Variants in B4GALNT3 observed in about 807,000 individuals in gnomAD.
B4GALNT3 encodes beta-1,4-N-acetylgalactosaminyltransferase 3.
A neutral mutation model predicts 120.2 loss-of-function variants in B4GALNT3; 86 were observed. The ratio of observed to expected loss-of-function variants is 0.72; its 90% CI spans 0.60 to 0.86. The LOEUF (loss-of-function observed/expected upper bound fraction) is 0.86, where lower values mean the gene tolerates loss of function less well. Among genes scored for constraint, B4GALNT3 ranks in the 40% least tolerant of loss-of-function variants. The pLI is 0.00. For missense variants in B4GALNT3, 1,167 were observed against 1,298.9 expected (o/e 0.90, Z 1.56); for synonymous variants, 518 against 510.4 (o/e 1.01, Z -0.20).
At position 558,382 on chromosome 12, in the gene B4GALNT3, A is replaced by T. The variant is rs185588122; in HGVS notation, c.2608-126A>T. The T allele has an allele frequency of 4.5e-4, 417 of 919,524 alleles. 4 individuals carry two copies. In the East Asian group the frequency reaches 9.2e-3, roughly 20 times the overall value. 57.0% of individuals were successfully genotyped at this position (919,524 alleles called of 1,614,324 possible). On this transcript the variant is annotated intron_variant, in intron 17 of 19. Transcript: ENST00000266383. Reference sequence around the variant, plus strand: ...TCAGCACTGTGGAACTCTGCCCAGCAGCTGGTTTTGTGGGAGTTTGTGAAT... The same window carrying T: ...TCAGCACTGTGGAACTCTGCCCAGCTGCTGGTTTTGTGGGAGTTTGTGAAT...
chr12:484,881 T>C (rs1431480008), intron 1 of B4GALNT3, among the ~76,000 whole-genome samples: 2 of 152,044 alleles, frequency 1.3e-5, no homozygotes, highest in East Asian at 3.9e-4. Flanking sequence ...TCCAGTGGTA[T>C]GTATGGTGTG....
intron 1 of B4GALNT3, among the ~76,000 whole-genome samples, chr12:505,039 C>T (rs1472181754): frequency 2.6e-5 from 4 of 152,106 alleles, no homozygotes; most frequent in East Asian, 3.9e-4. Flanking sequence ...TACAGGTGCA[C>T]ACCACCACGC....
rs779010274 is a variant in B4GALNT3 at position 553,414 on chromosome 12, G to A, written c.1491G>A (p.Ala497=). ...CCTTCTCCAAGCGGAACTCCACAGC[G>A]TCCTTCCCAGGGAGGACCAGCCACA... ...LAPFSKRNST[A]SFPGRTSHIP... Residue 497 remains alanine (A), a synonymous_variant, in exon 14 of 20, where the codon GCG becomes GCA. Transcript: ENST00000266383. 1.5e-5 allele frequency: 24 copies of A among 1,613,824 alleles called. No individual in the cohort carries two copies. Among genetic ancestry groups the A allele is most frequent in the East Asian group, 8.9e-5 (4 of 44,894 alleles).
rs1947174816 is a variant in B4GALNT3, at chr12:557,767, G to A, written c.2534+6G>A. The A allele has an allele frequency of 3.8e-6, 6 of 1,598,868 alleles. No individual in the cohort carries two copies. The highest frequency in any genetic ancestry group is 4.3e-6 in the Non-Finnish European group (5 of 1,175,340). ...AAGAGGTCCAAGCTGCGGAGGTGAG[G>A]GGGACCACCAGCCAGGGGGTGGCAT... On this transcript the variant is annotated splice_donor_region_variant and intron_variant, in intron 16 of 19. Transcript: ENST00000266383.
intron 3 of B4GALNT3, among the ~76,000 whole-genome samples, chr12:539,970 G>A (rs1946898156): frequency 6.6e-6 from 1 of 152,198 alleles, no homozygotes; most frequent in Non-Finnish European, 1.5e-5. Context: ...GGACATAGGA[G>A]TTCCTGGTGT....
chr12:474,548 G>A (rs888812204), intron 1 of B4GALNT3, among the ~76,000 whole-genome samples: 10 of 152,150 alleles, frequency 6.6e-5, no homozygotes, highest in Admixed American at 1.3e-4. Context: ...GGCCAGGCAC[G>A]GTGGCTCATG....
chr12:529,557 G>T lies in B4GALNT3; in HGVS notation c.170-5609G>T, dbSNP rs144131992. On this transcript the variant is annotated intron_variant, in intron 1 of 19. Transcript: ENST00000266383. ...GCAGATGATTGGAACAGATTCTGGA[G>T]ATATATATCGGGCTCCCTTGCCATT... is the stretch of plus-strand genomic sequence containing the variant. Among the ~76,000 whole-genome samples the T allele has an allele frequency of 2.0e-5, 3 of 152,344 alleles. No homozygotes were observed. In the East Asian group the frequency reaches 5.8e-4, roughly 29 times the overall value.
At chr12:545,159 GTT>G in intron 5 of B4GALNT3, 187 bp downstream of exon 5, 1 of 1,442,210 alleles carries the variant, frequency 6.9e-7, no homozygotes, top group Non-Finnish European at 9.1e-7. Flanking sequence ...TTGCTCCCTG[GTT>G]TGCAGCCTGG....
Position 544,949 on chromosome 12 carries a change from G to A in B4GALNT3, c.515G>A (p.Gly172Asp). The part of the protein sequence containing the change: ...KWTNYGLRIF[G>D]YLHPFTDGKI... ...ACCAACTATGGCCTCCGCATCTTTG[G>A]CTACCTGCACCCCTTTACTGATGGT... Residue 172 changes from glycine to aspartate, a missense_variant, in exon 5 of 20, where the codon GGC becomes GAC. Coordinates refer to ENST00000266383, the MANE Select transcript of B4GALNT3 (RefSeq NM_173593.4). 6.2e-7 allele frequency: 1 copy of A among 1,613,936 alleles called. No homozygotes were observed. The highest frequency in any genetic ancestry group is 8.5e-7 in the Non-Finnish European group (1 of 1,179,986).
At chr12:511,395 G>GTCTTCCACCTTCCACCTTCCACCT (rs1946554707) in intron 1 of B4GALNT3, among the ~76,000 whole-genome samples, 1 of 53,582 alleles carries the variant, frequency 1.9e-5, no homozygotes, top group Non-Finnish European at 4.0e-5. Context: ...TCCACCTTCT[G>GTCTTCCACCTTCCACCTTCCACCT]TCTTCCACCT....
At chr12:490,601 G>A (rs896457955) in intron 1 of B4GALNT3, among the ~76,000 whole-genome samples, 1 of 151,730 alleles carries the variant, frequency 6.6e-6, no homozygotes, top group East Asian at 1.9e-4. Flanking sequence ...ATAGTGGCTT[G>A]TGCCTATAGT....
In B4GALNT3 at chr12:460,500, G is replaced by A; in HGVS notation, c.124G>A (p.Glu42Lys). 6.3e-7 allele frequency: 1 copy of A among 1,584,934 alleles called. No homozygotes were observed. The highest frequency in any genetic ancestry group is 8.6e-7 in the Non-Finnish European group (1 of 1,166,224). Residue 42 changes from glutamate (E) to lysine (K), a missense_variant, in exon 1 of 20, where the codon GAA (glutamate) becomes AAA (lysine). Coordinates refer to ENST00000266383, the MANE Select transcript of B4GALNT3 (RefSeq NM_173593.4). The surrounding 1 kb of genome is among the most constrained non-coding windows in gnomAD (Gnocchi z 8.0). The stretch of plus-strand genomic sequence containing the variant: ...TGTGGGGCTCTGGACTCTGTATCTG[G>A]AACTGGTGGCGTCGGCCCAGGTCGG... ...VSVGLWTLYL[E>K]LVASAQVGGN...
At chr12:554,789 C>CAAAAAAAA (rs57194028) in intron 14 of B4GALNT3, among the ~76,000 whole-genome samples, 1 of 33,014 alleles carries the variant, frequency 3.0e-5, no homozygotes, top group Non-Finnish European at 6.1e-5. Context: ...GACTCCGTCT[C>CAAAAAAAA]AAAAAAAAAA....
chr12:561,336 C>T lies in B4GALNT3; in HGVS notation c.2889-7C>T. ...CTGTTGGCTCATCTGTGTTTCTCCT[C>T]CTCCAGGATACTCCAAGCGGGCCTG... is the stretch of plus-strand genomic sequence containing the variant. On this transcript the variant is annotated splice_polypyrimidine_tract_variant and splice_region_variant and intron_variant, in intron 19 of 19. Coordinates refer to ENST00000266383, the MANE Select transcript of B4GALNT3 (RefSeq NM_173593.4). 6.2e-7 allele frequency: 1 copy of T among 1,609,552 alleles called. No individual in the cohort carries two copies. The highest frequency in any genetic ancestry group is 1.7e-5 in the Admixed American group (1 of 59,974).
chr12:478,167 A>G (rs374848393), intron 1 of B4GALNT3, among the ~76,000 whole-genome samples: 98 of 150,822 alleles, frequency 6.5e-4, no homozygotes, highest in African/African-American at 2.2e-3. Context: ...GGAGGATCGC[A>G]TGAGCCCAGG....
intron 7 of B4GALNT3, among the ~76,000 whole-genome samples, chr12:547,073 C>G (rs995717648): frequency 3.3e-5 from 5 of 152,358 alleles, no homozygotes; most frequent in African/African-American, 1.2e-4. Flanking sequence ...GACACGAGTC[C>G]CTTTCCCTTG....
intron 1 of B4GALNT3, among the ~76,000 whole-genome samples, chr12:495,224 A>G (rs567070008): frequency 5.9e-5 from 9 of 152,198 alleles, no homozygotes; most frequent in Non-Finnish European, 1.2e-4. Flanking sequence ...AACCAGGTCT[A>G]TCTGACTTCA....
Position 544,401 on chromosome 12 carries a change from C to T in B4GALNT3, c.414C>T (p.Leu138=), listed in dbSNP as rs929236734. The T allele has an allele frequency of 6.2e-7, 1 of 1,613,764 alleles. No individual in the cohort carries two copies. The highest frequency in any genetic ancestry group is 1.3e-5 in the African/African-American group (1 of 75,020). Residue 138 remains leucine (L), a synonymous_variant, in exon 4 of 20, where the codon CTC becomes CTT. Transcript: ENST00000266383. ...GGTGTGGCAGCTCTATCCAGCAGCT[C>T]AGGAGGAACCTGCATTTCCCACTGT... The part of the protein sequence containing the change: ...EDWCGSSIQQ[L]RRNLHFPLYP...
intron 1 of B4GALNT3, among the ~76,000 whole-genome samples, chr12:534,142 C>T (rs1248630250): frequency 6.6e-6 from 1 of 152,228 alleles, no homozygotes; most frequent in Non-Finnish European, 1.5e-5. Flanking sequence ...ATCCGTGGCA[C>T]ACTGGGGTCC....
Sources: gnomAD v4.1 joint callset for allele counts (sites outside exome capture counted in the v4.1 genomes callset) on GRCh38, gnomAD v4.1.1 for gene constraint, Gnocchi (gnomAD v3.1) non-coding constraint, MANE v1.5 for transcripts, NCBI Gene and HGNC (gene_info 2026-07-23, HGNC 2026-07-21) for gene names.